Variants in RFWD3 observed in about 807,000 individuals in gnomAD.
The protein encoded by RFWD3 is E3 ubiquitin-protein ligase RFWD3.
In RFWD3, 65 loss-of-function variants were observed where a neutral mutation model predicts 87.7. That is an observed-to-expected ratio of 0.74 (90% CI 0.61 to 0.91). RFWD3 has a LOEUF of 0.91. Ranked by LOEUF, RFWD3 falls within the 40% of genes least tolerant of loss-of-function variation. The probability of loss-of-function intolerance (pLI) is 0.00; values close to 1 mark genes in which losing one functional copy is unlikely to be tolerated. For missense variants in RFWD3, 1,078 were observed against 938.5 expected (o/e 1.15, Z -1.94); for synonymous variants, 433 against 352.8 (o/e 1.23, Z -2.55).
At chr16:74,636,833 C>A (rs957719106) in intron 7 of RFWD3, among the ~76,000 whole-genome samples, 3 of 151,576 alleles carry the variant, frequency 2.0e-5, no homozygotes, top group Non-Finnish European at 4.4e-5. Context: ...GCCTCAGCCT[C>A]CTGAGTAGCT....
chr16:74,644,615 A>G lies in RFWD3; in HGVS notation c.913T>C (p.Leu305=). The change falls in exon 5 of 13, where the codon TTA becomes CTA. Residue 305 remains leucine, a synonymous_variant. Coordinates refer to ENST00000361070, the MANE Select transcript of RFWD3 (RefSeq NM_018124.4). ...TACCCAAAGAGATGCCCACAGCGTA[A>G]TGCTGAGAGCCGGTGGTCCCCAGCA... is the stretch of plus-strand genomic sequence containing the variant. ...TNAGDHRLSA[L]RCGHLFGYRC... 1 of 1,614,220 alleles carries G rather than the reference A, an allele frequency of 6.2e-7. No individual in the cohort carries two copies. Among genetic ancestry groups the G allele is most frequent in the Non-Finnish European group, 8.5e-7 (1 of 1,180,042 alleles).
rs999645050 is a variant in RFWD3, at chr16:74,623,249, C to T, written c.*679G>A. The T allele has an allele frequency of 1.3e-5, 2 of 152,690 alleles. No homozygotes were observed. The highest frequency in any genetic ancestry group is 2.1e-4 in the South Asian group (1 of 4,834). 9.5% of individuals were successfully genotyped at this position (152,690 alleles called of 1,614,324 possible). On this transcript the variant is annotated 3_prime_UTR_variant, in exon 13 of 13. Transcript: ENST00000361070. Reference sequence around the variant, plus strand: ...TGCACTAGGCATTAGCAAAGGGAATCGTTCACTAGCTGCTTCCATCACTGG... The same window carrying T: ...TGCACTAGGCATTAGCAAAGGGAATTGTTCACTAGCTGCTTCCATCACTGG...
rs141685768 is a variant in RFWD3, at chr16:74,628,581, C to T, written c.1840G>A (p.Asp614Asn). 242 of 1,614,082 alleles carry T rather than the reference C, an allele frequency of 1.5e-4. No individual in the cohort carries two copies. The highest frequency in any genetic ancestry group is 2.0e-4 in the Non-Finnish European group (234 of 1,180,054). The change falls in exon 11 of 13, where the codon GAT becomes AAT. Residue 614 changes from aspartate to asparagine, a missense_variant. By Grantham distance (23) the Asp-to-Asn change is conservative (BLOSUM62 1). Transcript: ENST00000361070. ...YGGVLAGTLEDASFWEQKMDF... is the reference protein window; with the variant it reads ...YGGVLAGTLENASFWEQKMDF... ...ATTTTCTGTTCCCAGAATGAAGCATCCTCCAAGGTTCCAGCCAGCACCCCA... is the reference window on the plus strand; with the variant it reads ...ATTTTCTGTTCCCAGAATGAAGCATTCTCCAAGGTTCCAGCCAGCACCCCA...
chr16:74,644,983 G>C (rs1302662605), intron 4 of RFWD3, among the ~76,000 whole-genome samples: 1 of 152,042 alleles, frequency 6.6e-6, no homozygotes, highest in Non-Finnish European at 1.5e-5. Context: ...TCACTCAAAG[G>C]AAGAAAAGCA....
At chr16:74,645,525 C>T (rs1825021770) in intron 4 of RFWD3, among the ~76,000 whole-genome samples, 1 of 152,126 alleles carries the variant, frequency 6.6e-6, no homozygotes, top group African/African-American at 2.4e-5. Flanking sequence ...ATACTGTAGG[C>T]AACTGTAGCA....
chr16:74,650,167 T>C (rs1267773583), intron 3 of RFWD3, among the ~76,000 whole-genome samples: 2 of 152,240 alleles, frequency 1.3e-5, no homozygotes, highest in African/African-American at 4.8e-5. Flanking sequence ...TTTGAGATAT[T>C]CCCTTCACAA....
At chr16:74,640,569 G>A (rs943149970) in intron 6 of RFWD3, among the ~76,000 whole-genome samples, 2 of 152,160 alleles carry the variant, frequency 1.3e-5, no homozygotes, top group African/African-American at 2.4e-5. Context: ...GCTGAGGTTG[G>A]AGGACTGCTT....
At chr16:74,637,798 T>C (rs1959270642) in intron 7 of RFWD3, 58 bp downstream of exon 7, 1 of 1,247,932 alleles carries the variant, frequency 8.0e-7, no homozygotes, top group African/African-American at 1.5e-5. Flanking sequence ...TAACTAACAT[T>C]AGCTTCCTCT....
chr16:74,664,973 GCACCCCAAAC>G (rs1567590837), intron 1 of RFWD3, among the ~76,000 whole-genome samples: 1 of 152,174 alleles, frequency 6.6e-6, no homozygotes, highest in African/African-American at 2.4e-5. Context: ...CATGGGCTGG[GCACCCCAAAC>G]CTTGAGGATG....
rs1416203818 is a variant in RFWD3, at chr16:74,626,512, G to C, written c.2012C>G (p.Ser671Cys). The C allele has an allele frequency of 1.2e-6, 2 of 1,614,128 alleles. No homozygotes were observed. Among genetic ancestry groups the C allele is most frequent in the East Asian group, 4.5e-5 (2 of 44,884 alleles). ...TTIRSVLMEM[S>C]YRLDDTGNPI... ...ATTTCCAGTGTCATCCAGTCGGTAG[G>C]ACATTTCCATCAGCACACTTCGTAT... The change falls in exon 12 of 13, where the codon TCC becomes TGC. Residue 671 changes from serine (S) to cysteine (C), a missense_variant. Coordinates refer to ENST00000361070, the MANE Select transcript of RFWD3 (RefSeq NM_018124.4).
intron 2 of RFWD3, among the ~76,000 whole-genome samples, chr16:74,656,235 G>T (rs963159915): frequency 6.8e-6 from 1 of 147,978 alleles, no homozygotes; most frequent in East Asian, 2.0e-4. Context: ...AGCCCGGGGA[G>T]GTTGAGGCTG....
At chr16:74,651,809 T>A in intron 3 of RFWD3, 111 bp downstream of exon 3, 4 of 924,848 alleles carry the variant, frequency 4.3e-6, no homozygotes, top group Non-Finnish European at 6.8e-6. Context: ...ATCCACAACA[T>A]TTAGGGGAGA....
chr16:74,660,671 AAG>A (rs1961353987), intron 2 of RFWD3: 1 of 381,788 alleles, frequency 2.6e-6, no homozygotes, highest in South Asian at 4.5e-5. Context: ...TTTGGTGTAC[AAG>A]ACACAATCTG....
intron 1 of RFWD3, chr16:74,664,876 C>G (rs1237335626): frequency 6.6e-6 from 1 of 152,246 alleles, no homozygotes; most frequent in Admixed American, 6.5e-5. Context: ...CTTTTCTCGT[C>G]GCACAAAGTT....
intron 6 of RFWD3, among the ~76,000 whole-genome samples, chr16:74,640,440 G>A (rs925041109): frequency 4.0e-5 from 6 of 151,828 alleles, no homozygotes; most frequent in African/African-American, 1.2e-4. Flanking sequence ...CAATGCGCCC[G>A]CCCGGAAACT....
chr16:74,644,888 C>T (rs923582369), intron 4 of RFWD3, among the ~76,000 whole-genome samples, 153 bp from the exon 5 acceptor site: 4 of 152,210 alleles, frequency 2.6e-5, no homozygotes, highest in African/African-American at 9.7e-5. Context: ...ACTTGTCATT[C>T]TTTCTAGAAT....
At chr16:74,649,309 T>G in intron 3 of RFWD3, 107 bp from the exon 4 acceptor site, 1 of 693,936 alleles carries the variant, frequency 1.4e-6, no homozygotes, top group Non-Finnish European at 2.4e-6. Context: ...GCTTCCCATT[T>G]CTAACTGACA....
At chr16:74,636,208 T>TG (rs1402228232) in intron 8 of RFWD3, 138 bp downstream of exon 8, 2 of 711,866 alleles carry the variant, frequency 2.8e-6, no homozygotes, top group African/African-American at 3.5e-5. Context: ...TGCAGCACCC[T>TG]GGGGTACTTG....
intron 7 of RFWD3, among the ~76,000 whole-genome samples, chr16:74,637,609 G>A (rs1959254425): frequency 6.6e-6 from 1 of 152,158 alleles, no homozygotes; most frequent in South Asian, 2.1e-4. Context: ...CTCCAGCCTA[G>A]GTGACAGAGT....
Sources: allele counts gnomAD v4.1 joint callset (sites outside exome capture counted in the v4.1 genomes callset), GRCh38; gene constraint gnomAD v4.1.1; transcripts MANE v1.5; gene names NCBI Gene and HGNC (gene_info 2026-07-23, HGNC 2026-07-21).